FRYL: variants seen among roughly 807,000 people sequenced by gnomAD.
The protein encoded by FRYL is protein furry homolog-like.
Under a neutral mutation model 351.2 loss-of-function variants are expected in FRYL, and 150 were observed. The ratio of observed to expected loss-of-function variants is 0.43; its 90% CI spans 0.37 to 0.49. FRYL has a LOEUF of 0.49. Among genes scored for constraint, FRYL ranks in the 20% least tolerant of loss-of-function variants. The probability of loss-of-function intolerance (pLI) is 0.00; values close to 1 mark genes in which losing one functional copy is unlikely to be tolerated. For missense variants in FRYL, 3,036 were observed against 3,619.3 expected, an observed-to-expected ratio of 0.84 and a Z score of 4.13; for synonymous variants, 1,153 against 1,257.1, an observed-to-expected ratio of 0.92 and a Z score of 1.75.
rs1232990013 is a variant in FRYL at position 48,581,601 on chromosome 4, C to T, written c.1991G>A (p.Gly664Asp). Residue 664 changes from glycine to aspartate, a missense_variant, in exon 21 of 64, where the codon GGT (glycine) becomes GAT (aspartate). Around this residue, in one of 7 missense-constraint regions of FRYL, gnomAD observed 492 missense variants for 551.5 expected, o/e 0.89. Coordinates refer to ENST00000358350, the MANE Select transcript of FRYL (RefSeq NM_015030.2). ...MHNKNQDTQH[G>D]VANGASHPPP... is the part of the protein sequence containing the mutation. ...GGGATGAGAAGCTCCATTAGCTACA[C>T]CATGCTTGAAAAACAGAAGTTAAAA... 5 of 1,584,238 alleles carry T rather than the reference C, an allele frequency of 3.2e-6. No individual in the cohort carries two copies. The highest frequency in any genetic ancestry group is 4.3e-6 in the Non-Finnish European group (5 of 1,169,742).
chr4:48,758,327 T>C (rs77928832), intron 1 of FRYL, among the ~76,000 whole-genome samples: 148,732 of 152,130 alleles, frequency 0.98, 72,794 homozygotes, highest in East Asian at 1. Context: ...TTGCAATCTA[T>C]CCATGTGACA....
chr4:48,550,737 T>C (rs773453674), intron 37 of FRYL, 33 bp from the exon 38 acceptor site: 2 of 1,354,712 alleles, frequency 1.5e-6, no homozygotes, highest in Non-Finnish European at 2.1e-6. Flanking sequence ...TAGTCACAGT[T>C]CACGGTGCAA....
chr4:48,518,180 C>T (rs1257445756), intron 55 of FRYL, among the ~76,000 whole-genome samples: 1 of 150,780 alleles, frequency 6.6e-6, no homozygotes, highest in Non-Finnish European at 1.5e-5. Flanking sequence ...ATGGTGTGAT[C>T]TATGGTGTGA....
At position 48,540,361 on chromosome 4, in the gene FRYL, T is replaced by C. The variant is rs867067513; in HGVS notation, c.6287A>G (p.Gln2096Arg). The C allele has an allele frequency of 1.2e-6, 2 of 1,611,700 alleles. No individual in the cohort carries two copies. Among genetic ancestry groups the C allele is most frequent in the African/African-American group, 2.7e-5 (2 of 74,846 alleles). The change falls in exon 46 of 64, where the codon CAA becomes CGA. Residue 2096 changes from glutamine to arginine, a missense_variant. Physicochemically the swap from Gln to Arg is conservative, Grantham distance 43. Around this residue, in one of 7 missense-constraint regions of FRYL, gnomAD observed 1,987 missense variants for 2,311.7 expected, o/e 0.86. Transcript: ENST00000358350. ...VSKHTLVDPS[Q>R]LSGFPLNILC... is the part of the protein sequence containing the mutation. ...AATTATATTAACATCACCTGACAAT[T>C]GGGAAGGATCCACCAATGTATGTTT...
At position 48,586,607 on chromosome 4, in the gene FRYL, T is replaced by C; in HGVS notation, c.1748+14A>G. The C allele has an allele frequency of 6.5e-7, 1 of 1,528,992 alleles. No individual in the cohort carries two copies. Among genetic ancestry groups the C allele is most frequent in the Non-Finnish European group, 9.1e-7 (1 of 1,103,426 alleles). The allele number at this position is 1,528,992 out of a possible 1,614,324, so 94.7% of individuals were successfully genotyped here. ...AGACATAAAACAATATAGCAAACAGTAATTCTCATTTACCTTGCTAACAAT... is the reference window on the plus strand; with the variant it reads ...AGACATAAAACAATATAGCAAACAGCAATTCTCATTTACCTTGCTAACAAT... On this transcript the variant is annotated intron_variant, in intron 19 of 63. Coordinates refer to ENST00000358350, the MANE Select transcript of FRYL (RefSeq NM_015030.2).
chr4:48,712,465 T>G (rs1441556239), intron 1 of FRYL, among the ~76,000 whole-genome samples: 1 of 151,990 alleles, frequency 6.6e-6, no homozygotes, highest in Admixed American at 6.6e-5. Flanking sequence ...AGAAAGGGTA[T>G]CAGCGATGGA....
At chr4:48,694,391 G>A (rs541292151) in intron 2 of FRYL, among the ~76,000 whole-genome samples, 3 of 151,188 alleles carry the variant, frequency 2.0e-5, no homozygotes, top group African/African-American at 7.3e-5. Context: ...TCTGCTTCCC[G>A]GGCTCAAGCA....
At chr4:48,739,776 T>C (rs1578886068) in intron 1 of FRYL, among the ~76,000 whole-genome samples, 3 of 152,328 alleles carry the variant, frequency 2.0e-5, no homozygotes, top group Admixed American at 2.0e-4. Flanking sequence ...TGTGGTAGTA[T>C]TGAGACACAG....
At chr4:48,601,343 G>A (rs1745660299) in intron 13 of FRYL, among the ~76,000 whole-genome samples, 2 of 152,302 alleles carry the variant, frequency 1.3e-5, no homozygotes, top group South Asian at 4.1e-4. Context: ...ATGACATGCA[G>A]CTGAAGAATA....
At chr4:48,726,078 A>G (rs1770048913) in intron 1 of FRYL, among the ~76,000 whole-genome samples, 1 of 152,168 alleles carries the variant, frequency 6.6e-6, no homozygotes, top group South Asian at 2.1e-4. Flanking sequence ...AATTCTTAAC[A>G]AAGATGTGAA....
chr4:48,655,071 T>G lies in FRYL; in HGVS notation c.-80-20581A>C, dbSNP rs1208317321. Among the ~76,000 whole-genome samples the G allele has an allele frequency of 5.9e-5, 9 of 152,322 alleles. No individual in the cohort carries two copies. In the East Asian group the frequency reaches 1.7e-3, roughly 29 times the overall value. On this transcript the variant is annotated intron_variant, in intron 3 of 63. Coordinates refer to ENST00000358350, the MANE Select transcript of FRYL (RefSeq NM_015030.2). ...ATAAATTTATTCACAGCCAAATGGC[T>G]AGGCACTGTATCATAAGCTAAAATA...
At chr4:48,648,437 C>T (rs1349708489) in intron 3 of FRYL, among the ~76,000 whole-genome samples, 2 of 152,158 alleles carry the variant, frequency 1.3e-5, no homozygotes, top group Non-Finnish European at 2.9e-5. Context: ...CCCTTCTGCC[C>T]ACCCACCTAT....
intron 7 of FRYL, among the ~76,000 whole-genome samples, chr4:48,612,497 CGTGTGTGTGT>C (rs10657991): frequency 1.1e-4 from 17 of 149,968 alleles, no homozygotes; most frequent in African/African-American, 2.9e-4. Flanking sequence ...TGTGTGTGCA[CGTGTGTGTGT>C]GTGTGTGTGT....
chr4:48,607,155 C>T (rs1158303912), intron 9 of FRYL, among the ~76,000 whole-genome samples: 1 of 152,130 alleles, frequency 6.6e-6, no homozygotes, highest in East Asian at 1.9e-4. Flanking sequence ...AGCTAGTAAG[C>T]TTTTCTTCAC....
At position 48,684,687 on chromosome 4, in the gene FRYL, CAG is replaced by C. The variant is rs1405965799; in HGVS notation, c.-97_-96del. The stretch of plus-strand genomic sequence containing the variant: ...TATAATCTTACCGTATCACTTGAGA[CAG>C]TAATTTCTTGGTGACTTGGATCATC... On this transcript the variant is annotated 5_prime_UTR_variant, in exon 3 of 64. The change creates a premature stop within an existing upstream ORF in the 5' untranslated region. Transcript: ENST00000358350. 6.6e-6 allele frequency: 1 copy of C among 152,198 alleles called. No individual in the cohort carries two copies. The highest frequency in any genetic ancestry group is 2.4e-5 in the African/African-American group (1 of 41,442). 9.4% of individuals were successfully genotyped at this position (152,198 alleles called of 1,614,324 possible). A position where few individuals can be genotyped will look rare whatever the true frequency, so the allele number is the denominator to read the frequency against.
At chr4:48,690,221 A>T (rs572005370) in intron 2 of FRYL, among the ~76,000 whole-genome samples, 4 of 152,132 alleles carry the variant, frequency 2.6e-5, no homozygotes, top group African/African-American at 9.6e-5. Flanking sequence ...TTGTTTTACA[A>T]TTTTACTATT....
intron 11 of FRYL, among the ~76,000 whole-genome samples, chr4:48,604,595 C>T (rs571540535): frequency 6.6e-6 from 1 of 152,264 alleles, no homozygotes; most frequent in Admixed American, 6.5e-5. Flanking sequence ...ATTTTCAGTG[C>T]ACACAAGAGG....
chr4:48,565,064 A>G (rs1736456089), intron 29 of FRYL, 21 bp from the exon 30 acceptor site: 5 of 1,377,914 alleles, frequency 3.6e-6, no homozygotes, highest in Non-Finnish European at 5.0e-6. Flanking sequence ...TAATATTAGA[A>G]TTACATTTAA....
chr4:48,683,737 T>C (rs1348398331), intron 3 of FRYL, among the ~76,000 whole-genome samples: 2 of 152,224 alleles, frequency 1.3e-5, no homozygotes, highest in African/African-American at 4.8e-5. Flanking sequence ...AGATTGTCTC[T>C]TAATCTTCAA....
Sources: allele counts gnomAD v4.1 joint callset (sites outside exome capture counted in the v4.1 genomes callset), GRCh38; gene constraint gnomAD v4.1.1; regional missense constraint gnomAD v4.1.1; transcripts MANE v1.5; gene names NCBI Gene and HGNC (gene_info 2026-07-23, HGNC 2026-07-21).